Variants in KLHL18 observed in about 807,000 individuals in gnomAD.
The protein encoded by KLHL18 is kelch like family member 18.
In KLHL18, 38 loss-of-function variants were observed where a neutral mutation model predicts 58.5. The observed-to-expected ratio is 0.65, with a 90% CI of 0.50 to 0.85. The LOEUF is 0.85. Among genes scored for constraint, KLHL18 ranks in the 40% least tolerant of loss-of-function variants. KLHL18 has a pLI of 0.00. For missense variants in KLHL18, 624 were observed against 778.4 expected, an observed-to-expected ratio of 0.80 and a Z score of 2.36; for synonymous variants, 303 against 301.9, an observed-to-expected ratio of 1.00 and a Z score of -0.04.
intron 6 of KLHL18, 128 bp from the exon 7 acceptor site, chr3:47,336,407 G>T: frequency 3.7e-6 from 3 of 806,122 alleles, no homozygotes; most frequent in Non-Finnish European, 6.0e-6. Context: ...GGGCCCTTGT[G>T]CCTTGAGTAA....
At chr3:47,289,888 G>C (rs1702755286) in intron 1 of KLHL18, among the ~76,000 whole-genome samples, 1 of 152,196 alleles carries the variant, frequency 6.6e-6, no homozygotes, top group Non-Finnish European at 1.5e-5. Context: ...AGTGGGATGA[G>C]GGATGAGAAA....
chr3:47,294,871 T>A (rs1702864730), intron 1 of KLHL18, among the ~76,000 whole-genome samples: 1 of 152,166 alleles, frequency 6.6e-6, no homozygotes, highest in African/African-American at 2.4e-5. Context: ...GGAGAGATGA[T>A]GATAATGGCC....
chr3:47,323,504 G>C (rs1703636007), intron 3 of KLHL18, among the ~76,000 whole-genome samples: 1 of 152,088 alleles, frequency 6.6e-6, no homozygotes, highest in Non-Finnish European at 1.5e-5. Flanking sequence ...TTTATGGTTG[G>C]GACCATGGAT....
chr3:47,293,450 A>C (rs1264082710), intron 1 of KLHL18, among the ~76,000 whole-genome samples: 1 of 152,060 alleles, frequency 6.6e-6, no homozygotes, highest in Non-Finnish European at 1.5e-5. Flanking sequence ...AATCTTTCCT[A>C]CTCTTTATTT....
rs1559501300 is a variant in KLHL18 at position 47,330,031 on chromosome 3, G to A, written c.482G>A (p.Ser161Asn). ...GCTGTGCTGTACGACGCTGCCAACA[G>A]CTTCATCCACCAGCACTTTGTGGAG... ...MCAVLYDAAN[S>N]FIHQHFVEVS... Residue 161 changes from serine to asparagine, a missense_variant, in exon 4 of 10, where the codon AGC becomes AAC. Ser to Asn is a conservative substitution (Grantham distance 46). Transcript: ENST00000232766. The A allele has an allele frequency of 6.2e-7, 1 of 1,614,090 alleles. No homozygotes were observed. The highest frequency in any genetic ancestry group is 2.2e-5 in the East Asian group (1 of 44,886).
At chr3:47,297,186 A>T (rs1702914790) in intron 1 of KLHL18, among the ~76,000 whole-genome samples, 1 of 152,200 alleles carries the variant, frequency 6.6e-6, no homozygotes, top group African/African-American at 2.4e-5. Context: ...AAACTCCATC[A>T]CAGAGTGTTC....
At chr3:47,306,391 G>A (rs1248895995) in intron 1 of KLHL18, among the ~76,000 whole-genome samples, 2 of 152,072 alleles carry the variant, frequency 1.3e-5, no homozygotes, top group African/African-American at 4.8e-5. Context: ...ATCATTGTAA[G>A]AGAGGAAACA....
chr3:47,337,015 G>A, intron 7 of KLHL18: 1 of 466,772 alleles, frequency 2.1e-6, no homozygotes, highest in Non-Finnish European at 3.9e-6. Context: ...TTAAGTGCCA[G>A]ATAAGGACTG....
At chr3:47,332,975 G>A (rs1223489397) in intron 4 of KLHL18, among the ~76,000 whole-genome samples, 182 bp from the exon 5 acceptor site, 1 of 152,178 alleles carries the variant, frequency 6.6e-6, no homozygotes, top group African/African-American at 2.4e-5. Flanking sequence ...TGAAATTCAG[G>A]AAGCTGTTCT....
chr3:47,329,728 T>C lies in KLHL18; in HGVS notation c.402-223T>C, dbSNP rs529053199. ...AACTACCCAGAGAGCTCATTCCACCTGACGCACAGAGCACCAGGCCCAAAA... is the reference window on the plus strand; with the variant it reads ...AACTACCCAGAGAGCTCATTCCACCCGACGCACAGAGCACCAGGCCCAAAA... On this transcript the variant is annotated intron_variant, in intron 3 of 9. Coordinates refer to ENST00000232766, the MANE Select transcript of KLHL18 (RefSeq NM_025010.5). Among the ~76,000 whole-genome samples, 7 of 152,318 alleles carry C rather than the reference T, an allele frequency of 4.6e-5. No homozygotes were observed. In the East Asian group the frequency reaches 1.3e-3, roughly 29 times the overall value.
At chr3:47,305,887 C>T (rs533481770) in intron 1 of KLHL18, among the ~76,000 whole-genome samples, 1 of 152,158 alleles carries the variant, frequency 6.6e-6, no homozygotes, top group Admixed American at 6.5e-5. Context: ...TAGAGTTGTT[C>T]ATAGTATTCT....
intron 1 of KLHL18, among the ~76,000 whole-genome samples, chr3:47,293,573 G>T (rs1343505183): frequency 6.6e-6 from 1 of 152,182 alleles, no homozygotes; most frequent in Non-Finnish European, 1.5e-5. Context: ...ATATTTAGGA[G>T]ATGCAGATGT....
In KLHL18 at chr3:47,345,899, A is replaced by T. The variant is rs1704216380; in HGVS notation, c.*1958A>T. 1 of 152,582 alleles carries T rather than the reference A, an allele frequency of 6.6e-6. No individual in the cohort carries two copies. The highest frequency in any genetic ancestry group is 2.1e-4 in the South Asian group (1 of 4,828). 9.5% of individuals were successfully genotyped at this position (152,582 alleles called of 1,614,324 possible). On this transcript the variant is annotated 3_prime_UTR_variant, in exon 10 of 10. Coordinates refer to ENST00000232766, the MANE Select transcript of KLHL18 (RefSeq NM_025010.5). ...AGGCCTCTGCTACAAGCACTTGAAA[A>T]TGATATTTTTATTTTTAACGTCTCA... is the stretch of plus-strand genomic sequence containing the variant.
chr3:47,340,940 T>G (rs755458145), intron 8 of KLHL18, among the ~76,000 whole-genome samples: 23 of 152,180 alleles, frequency 1.5e-4, no homozygotes, highest in Non-Finnish European at 3.1e-4. Flanking sequence ...ATCAGCCCAT[T>G]TTAATGGAAA....
intron 7 of KLHL18, chr3:47,336,973 A>G: frequency 1.8e-6 from 1 of 562,534 alleles, no homozygotes; most frequent in Admixed American, 3.2e-5. Flanking sequence ...TGGGGAGACC[A>G]GGCATGGACA....
At chr3:47,316,504 TATATATAC>T (rs1367901456) in intron 1 of KLHL18, among the ~76,000 whole-genome samples, 1 of 5,148 alleles carries the variant, frequency 1.9e-4, no homozygotes, top group African/African-American at 2.3e-4. Context: ...TATATATGTA[TATATATAC>T]ATATATACAT....
In KLHL18 at chr3:47,343,771, C is replaced by A; in HGVS notation, c.1555C>A (p.Leu519Met). ...PMHTRRSRVS[L>M]VASCGRLYAV... The stretch of plus-strand genomic sequence containing the variant: ...GCACACGCGCAGGAGCCGGGTCTCC[C>A]TGGTGGCCAGCTGTGGGCGCCTCTA... Residue 519 changes from leucine to methionine, a missense_variant, in exon 10 of 10, where the codon CTG becomes ATG. Leu to Met is a conservative substitution (Grantham distance 15, BLOSUM62 2). Coordinates refer to ENST00000232766, the MANE Select transcript of KLHL18 (RefSeq NM_025010.5). 6.2e-7 allele frequency: 1 copy of A among 1,614,252 alleles called. No homozygotes were observed. Among genetic ancestry groups the A allele is most frequent in the Non-Finnish European group, 8.5e-7 (1 of 1,180,050 alleles).
chr3:47,286,767 T>C (rs148641501), intron 1 of KLHL18, among the ~76,000 whole-genome samples: 69 of 152,260 alleles, frequency 4.5e-4, no homozygotes, highest in African/African-American at 1.6e-3. Context: ...GGCTTCTTCC[T>C]AGGTGGTATA....
At chr3:47,338,881 C>T (rs1482451615) in intron 7 of KLHL18, 1 of 152,148 alleles carries the variant, frequency 6.6e-6, no homozygotes, top group African/African-American at 2.4e-5. Flanking sequence ...TTGTTAGAAA[C>T]CTAGATTCAT....
Sources: gnomAD v4.1 joint callset for allele counts (sites outside exome capture counted in the v4.1 genomes callset) on GRCh38, gnomAD v4.1.1 for gene constraint, MANE v1.5 for transcripts, NCBI Gene and HGNC (gene_info 2026-07-23, HGNC 2026-07-21) for gene names.